MICALL1: variants seen among roughly 807,000 people sequenced by gnomAD.
The protein encoded by MICALL1 is MICAL-like protein 1.
MICALL1 carries 61 observed loss-of-function variants against 83.7 expected under a neutral mutation model. The observed-to-expected ratio is 0.73, with a 90% CI of 0.59 to 0.90. The LOEUF is 0.90. Among genes scored for constraint, MICALL1 ranks in the 40% least tolerant of loss-of-function variants. MICALL1 has a pLI of 0.00. For missense variants in MICALL1, 1,066 were observed against 1,152.0 expected (o/e 0.93, Z 1.08); for synonymous variants, 481 against 473.6 (o/e 1.02, Z -0.20).
chr22:37,911,138 G>T, intron 1 of MICALL1, among the ~76,000 whole-genome samples: 1 of 152,308 alleles, frequency 6.6e-6, no homozygotes, highest in African/African-American at 2.4e-5. Context: ...CCGTGCTGGG[G>T]CCCCCAGACA....
At chr22:37,925,248 G>A (rs1929346739) in intron 7 of MICALL1, among the ~76,000 whole-genome samples, 1 of 152,142 alleles carries the variant, frequency 6.6e-6, no homozygotes, top group Non-Finnish European at 1.5e-5. Flanking sequence ...GCACTGAGCA[G>A]GTGCCCCAGT....
In MICALL1 at chr22:37,906,707, C is replaced by A. The variant is rs1474709517; in HGVS notation, c.146+139C>A. ...GAGACGCCGACCCCCCCGACGGCCC[C>A]GGACGCCGGGCGGGTCCCTGAGACC... On this transcript the variant is annotated intron_variant, in intron 1 of 15. Coordinates refer to ENST00000215957, the MANE Select transcript of MICALL1 (RefSeq NM_033386.4). The surrounding 1 kb of genome is among the most constrained non-coding windows in gnomAD (Gnocchi z 4.4). The A allele has an allele frequency of 2.5e-5, 20 of 813,570 alleles. No homozygotes were observed. Among genetic ancestry groups the A allele is most frequent in the Non-Finnish European group, 3.1e-5 (20 of 642,910 alleles). 50.4% of individuals were successfully genotyped at this position (813,570 alleles called of 1,614,324 possible).
intron 15 of MICALL1, among the ~76,000 whole-genome samples, 189 bp from the exon 16 acceptor site, chr22:37,940,517 GCCC>G (rs542992467): frequency 7.6e-4 from 115 of 152,228 alleles, no homozygotes; most frequent in African/African-American, 2.7e-3. Context: ...GGGAGGATGG[GCCC>G]CATCCTCTAG....
chr22:37,911,264 G>A (rs1046903080), intron 1 of MICALL1, among the ~76,000 whole-genome samples: 1 of 152,220 alleles, frequency 6.6e-6, no homozygotes, highest in Admixed American at 6.5e-5. Context: ...CAGCAGCTCC[G>A]GAGTATGTAC....
chr22:37,920,388 G>T (rs79395069), intron 5 of MICALL1, among the ~76,000 whole-genome samples: 2,396 of 152,090 alleles, frequency 0.016, 63 homozygotes, highest in African/African-American at 0.054. Flanking sequence ...CCTGACCGCA[G>T]AATTGGGGTG....
intron 14 of MICALL1, 52 bp from the exon 15 acceptor site, chr22:37,937,694 G>A (rs147614022): frequency 1.3e-6 from 2 of 1,599,536 alleles, no homozygotes; most frequent in African/African-American, 2.7e-5. Context: ...AAAGTGCTGG[G>A]ATTACAGGTG....
intron 1 of MICALL1, chr22:37,907,298 C>T (rs1928024509): frequency 6.6e-6 from 1 of 152,336 alleles, no homozygotes; most frequent in African/African-American, 2.4e-5. Flanking sequence ...TTGATAGACA[C>T]CAACCGGGTG....
Position 37,937,165 on chromosome 22 carries a change from C to T in MICALL1, c.2394C>T (p.Ile798=). ...LVTLIEQRNA[I]INCLDEDRQR... ...CCCTCATTGAGCAGCGCAACGCTAT[C>T]ATCAACTGCCTGGATGAGGACCGGC... The change falls in exon 14 of 16, where the codon ATC becomes ATT. Residue 798 remains isoleucine, a synonymous_variant. Coordinates refer to ENST00000215957, the MANE Select transcript of MICALL1 (RefSeq NM_033386.4). 1.3e-6 allele frequency: 2 copies of T among 1,545,544 alleles called. No homozygotes were observed. Among genetic ancestry groups the T allele is most frequent in the Non-Finnish European group, 1.7e-6 (2 of 1,143,260 alleles).
chr22:37,940,980 A>G lies in MICALL1; in HGVS notation c.*150A>G. On this transcript the variant is annotated 3_prime_UTR_variant, in exon 16 of 16. Transcript: ENST00000215957. Reference sequence around the variant, plus strand: ...TCTGGGTGATGGCCTCTTCCTCCTCAGGGACCTCTGACTGCTCTGGGCCAA... The same window carrying G: ...TCTGGGTGATGGCCTCTTCCTCCTCGGGGACCTCTGACTGCTCTGGGCCAA... The G allele has an allele frequency of 2.1e-6, 2 of 972,022 alleles. No individual in the cohort carries two copies. The highest frequency in any genetic ancestry group is 3.0e-6 in the Non-Finnish European group (2 of 670,002). 60.2% of individuals were successfully genotyped at this position (972,022 alleles called of 1,614,324 possible).
chr22:37,918,976 T>C, intron 4 of MICALL1, 60 bp from the exon 5 acceptor site: 3 of 1,470,248 alleles, frequency 2.0e-6, no homozygotes, highest in Non-Finnish European at 1.8e-6. Context: ...GGCAGTGATG[T>C]GAACAGGATG....
intron 8 of MICALL1, chr22:37,926,762 G>T (rs533796737): frequency 6.5e-6 from 1 of 153,090 alleles, no homozygotes; most frequent in South Asian, 2.1e-4. Context: ...GGCAGAGGCA[G>T]GTGCTCAGGG....
intron 13 of MICALL1, among the ~76,000 whole-genome samples, chr22:37,935,341 C>A (rs1056767524): frequency 2.0e-5 from 3 of 150,914 alleles, no homozygotes; most frequent in Admixed American, 6.6e-5. Flanking sequence ...GCTTACTGCA[C>A]GCTCCGCCTC....
At chr22:37,922,511 G>A in intron 6 of MICALL1, 85 bp downstream of exon 6, 1 of 1,068,674 alleles carries the variant, frequency 9.4e-7, no homozygotes, top group Non-Finnish European at 1.3e-6. Flanking sequence ...AGTGTTGGTG[G>A]GCCCCTCTCC....
chr22:37,937,197 G>A lies in MICALL1; in HGVS notation c.2423+3G>A. The A allele has an allele frequency of 1.3e-6, 2 of 1,537,720 alleles. No homozygotes were observed. Among genetic ancestry groups the A allele is most frequent in the Non-Finnish European group, 1.8e-6 (2 of 1,138,618 alleles). On this transcript the variant is annotated splice_donor_region_variant and intron_variant, in intron 14 of 15. Transcript: ENST00000215957. ...TGCCTGGATGAGGACCGGCAGAGGTGACATGGCCAGGGGTGGGGGGTCCTG... is the reference window on the plus strand; with the variant it reads ...TGCCTGGATGAGGACCGGCAGAGGTAACATGGCCAGGGGTGGGGGGTCCTG...
In MICALL1 at chr22:37,927,760, C is replaced by G; in HGVS notation, c.1815C>G (p.Leu605=). The change falls in exon 9 of 16, where the codon CTC becomes CTG. Residue 605 remains leucine (L), a synonymous_variant. Transcript: ENST00000215957. Reference sequence around the variant, plus strand: ...GCAGTGGCGCCACCCCAACGCCTCTCTTGTTGGTTGGAGACAGGAGCCCGG... The same window carrying G: ...GCAGTGGCGCCACCCCAACGCCTCTGTTGTTGGTTGGAGACAGGAGCCCGG... ...KPCSGATPTP[L]LLVGDRSPVP... is the part of the protein sequence containing the mutation. 1 of 1,613,790 alleles carries G rather than the reference C, an allele frequency of 6.2e-7. No individual in the cohort carries two copies. Among genetic ancestry groups the G allele is most frequent in the Non-Finnish European group, 8.5e-7 (1 of 1,179,972 alleles).
intron 8 of MICALL1, chr22:37,926,443 CTG>C: frequency 5.2e-6 from 1 of 193,942 alleles, no homozygotes; most frequent in Non-Finnish European, 1.1e-5. Flanking sequence ...GTCACTGTCG[CTG>C]CAGTTCCTGA....
At position 37,932,548 on chromosome 22, in the gene MICALL1, G is replaced by T; in HGVS notation, c.2017-5G>T. 1 of 1,613,928 alleles carries T rather than the reference G, an allele frequency of 6.2e-7. No individual in the cohort carries two copies. The highest frequency in any genetic ancestry group is 8.5e-7 in the Non-Finnish European group (1 of 1,179,888). Reference sequence around the variant, plus strand: ...GCCGTCAGGTGACCAGGCACTGTTGGGCAGGTCCAGGCTGACCAGTACATC... The same window carrying T: ...GCCGTCAGGTGACCAGGCACTGTTGTGCAGGTCCAGGCTGACCAGTACATC... On this transcript the variant is annotated splice_region_variant and splice_polypyrimidine_tract_variant and intron_variant, in intron 10 of 15. Transcript: ENST00000215957. The surrounding 1 kb of genome is among the most constrained non-coding windows in gnomAD (Gnocchi z 4.4).
chr22:37,909,348 C>T (rs1230264514), intron 1 of MICALL1, among the ~76,000 whole-genome samples: 1 of 150,844 alleles, frequency 6.6e-6, no homozygotes, highest in Non-Finnish European at 1.5e-5. Flanking sequence ...GCCACCATGC[C>T]TGGCCGAGCC....
chr22:37,916,738 T>C (rs925317201), intron 3 of MICALL1, among the ~76,000 whole-genome samples: 2 of 152,028 alleles, frequency 1.3e-5, no homozygotes, highest in Non-Finnish European at 2.9e-5. Context: ...GGAAGCCGAG[T>C]GGCTGTGGGA....
Sources: gnomAD v4.1 joint callset for allele counts (sites outside exome capture counted in the v4.1 genomes callset) on GRCh38, gnomAD v4.1.1 for gene constraint, Gnocchi (gnomAD v3.1) non-coding constraint, MANE v1.5 for transcripts, NCBI Gene and HGNC (gene_info 2026-07-23, HGNC 2026-07-21) for gene names.